ELP2: variants seen among roughly 807,000 people sequenced by gnomAD.
ELP2 encodes elongator acetyltransferase complex subunit 2.
A neutral mutation model predicts 119.2 loss-of-function variants in ELP2; 90 were observed. That is an observed-to-expected ratio of 0.75 (90% CI 0.64 to 0.90). The LOEUF (loss-of-function observed/expected upper bound fraction) is 0.90. ELP2 is among the 40% of genes least tolerant of loss of function. ELP2 has a pLI of 0.00. For missense variants in ELP2, 921 were observed against 967.8 expected, an observed-to-expected ratio of 0.95 and a Z score of 0.64; for synonymous variants, 339 against 331.0, an observed-to-expected ratio of 1.02 and a Z score of -0.26.
chr18:36,151,274 G>A (rs2144689528), intron 11 of ELP2, among the ~76,000 whole-genome samples: 1 of 151,762 alleles, frequency 6.6e-6, no homozygotes, highest in African/African-American at 2.4e-5. Flanking sequence ...GTAGAGACGG[G>A]GTTTCACCAT....
intron 12 of ELP2, 66 bp from the exon 13 acceptor site, chr18:36,156,400 C>T (rs1013783154): frequency 5.4e-5 from 77 of 1,433,340 alleles, no homozygotes; most frequent in Non-Finnish European, 7.4e-5. Context: ...TAATTTTCAT[C>T]TAATAATTTG....
chr18:36,145,111 G>T (rs1298499524), intron 9 of ELP2, 77 bp downstream of exon 9: 8 of 1,128,430 alleles, frequency 7.1e-6, no homozygotes, highest in South Asian at 4.9e-5. Flanking sequence ...ATCAAGTGGA[G>T]AATTTTTTTA....
chr18:36,164,230 G>A (rs1229529815), intron 17 of ELP2, among the ~76,000 whole-genome samples: 2 of 151,380 alleles, frequency 1.3e-5, no homozygotes, highest in Non-Finnish European at 2.9e-5. Context: ...ACAGTGAAAA[G>A]GAAAAAAAGA....
rs745817043 is a variant in ELP2 at position 36,141,238 on chromosome 18, C to T, written c.588+37C>T. On this transcript the variant is annotated intron_variant, in intron 6 of 21. Transcript: ENST00000358232. ...TATATTAAGAGGCTGGAATTATATT[C>T]TGCTTAGTTATATCTCAATACAGAC... 2.3e-5 allele frequency: 35 copies of T among 1,503,542 alleles called. 1 individual carries two copies. The South Asian group carries it at 3.9e-4, about 17-fold the overall frequency. The allele number at this position is 1,503,542 out of a possible 1,614,324, so 93.1% of individuals were successfully genotyped here. A position where few individuals can be genotyped will look rare whatever the true frequency, so the allele number is the denominator to read the frequency against.
At chr18:36,133,605 ACTTGT>A in intron 2 of ELP2, among the ~76,000 whole-genome samples, 1 of 152,166 alleles carries the variant, frequency 6.6e-6, no homozygotes, top group Admixed American at 6.5e-5. Flanking sequence ...TATTAAAAGA[ACTTGT>A]AAGCAGGGCC....
At chr18:36,148,287 G>T (rs984130082) in intron 11 of ELP2, among the ~76,000 whole-genome samples, 1 of 151,986 alleles carries the variant, frequency 6.6e-6, no homozygotes, top group Non-Finnish European at 1.5e-5. Context: ...TAGAGACGGG[G>T]CTTCATGGTT....
chr18:36,130,190 G>A, intron 1 of ELP2, 119 bp downstream of exon 1: 1 of 1,395,300 alleles, frequency 7.2e-7, no homozygotes, highest in South Asian at 1.2e-5. Context: ...TCGGCTCAGG[G>A]GAGCGGGGTT....
chr18:36,156,816 A>G (rs1785922), intron 13 of ELP2, among the ~76,000 whole-genome samples, 162 bp downstream of exon 13: 151,077 of 152,362 alleles, frequency 0.99, 74,918 homozygotes, highest in East Asian at 1. Flanking sequence ...GGGGTGTAAT[A>G]ATTTAAATAC....
rs182946343 is a variant in ELP2, at chr18:36,176,846, C to G, written c.*2205C>G. 1.5e-4 allele frequency: 23 copies of G among 152,102 alleles called. No homozygotes were observed. The highest frequency in any genetic ancestry group is 5.6e-4 in the African/African-American group (23 of 41,414). 9.4% of individuals were successfully genotyped at this position (152,102 alleles called of 1,614,324 possible). ...GAGCAGGATGGCAAAAGTGGCAGTC[C>G]GTGACGCAGCCCTTGTTACCCCAGG... On this transcript the variant is annotated 3_prime_UTR_variant, in exon 22 of 22. Transcript: ENST00000358232.
In ELP2 at chr18:36,158,911, C is replaced by T. The variant is rs2090648475; in HGVS notation, c.1534+7C>T. On this transcript the variant is annotated splice_region_variant and intron_variant, in intron 14 of 21. Transcript: ENST00000358232. ...AATAAAGCTGTCTTTCAGGGTAAGG[C>T]TTTTGTCTTCAAAATTATTAAACCC... The T allele has an allele frequency of 1.2e-6, 2 of 1,600,446 alleles. No homozygotes were observed. Among genetic ancestry groups the T allele is most frequent in the Non-Finnish European group, 1.7e-6 (2 of 1,167,778 alleles).
intron 3 of ELP2, chr18:36,136,594 T>A (rs186192818): frequency 1.2e-4 from 64 of 549,230 alleles, no homozygotes; most frequent in Non-Finnish European, 1.8e-4. Context: ...TCTTACTTTG[T>A]TGCCCAGGCT....
chr18:36,166,330 T>TG (rs2090901410), intron 18 of ELP2, among the ~76,000 whole-genome samples: 1 of 118,520 alleles, frequency 8.4e-6, no homozygotes, highest in Non-Finnish European at 1.7e-5. Context: ...TTTTTTTTTT[T>TG]TTTTTTTTTT....
intron 12 of ELP2, among the ~76,000 whole-genome samples, 170 bp downstream of exon 12, chr18:36,155,169 C>T (rs1192255057): frequency 6.6e-6 from 1 of 151,652 alleles, no homozygotes; most frequent in Non-Finnish European, 1.5e-5. Context: ...CCCACCACCA[C>T]ACCCATCTTC....
Position 36,145,995 on chromosome 18 carries a change from A to G in ELP2, c.940A>G (p.Lys314Glu), listed in dbSNP as rs2090187287. Residue 314 changes from lysine (K) to glutamate (E), a missense_variant, in exon 10 of 22, where the codon AAA becomes GAA. Physicochemically the swap from Lys to Glu is moderately conservative, Grantham distance 56 (BLOSUM62 1). Coordinates refer to ENST00000358232, the MANE Select transcript of ELP2 (RefSeq NM_018255.4). ...PVRLLSASMD[K>E]TMILWAPDEE... Reference sequence around the variant, plus strand: ...GAGATTATTATCTGCTTCCATGGATAAAACCATGATTCTCTGGGCTCCAGA... The same window carrying G: ...GAGATTATTATCTGCTTCCATGGATGAAACCATGATTCTCTGGGCTCCAGA... 14 of 1,614,034 alleles carry G rather than the reference A, an allele frequency of 8.7e-6. No homozygotes were observed. The highest frequency in any genetic ancestry group is 1.1e-5 in the Non-Finnish European group (13 of 1,179,890).
In ELP2 at chr18:36,176,570, C is replaced by G. The variant is rs1383658582; in HGVS notation, c.*1929C>G. ...GTTGTCAGTTTTCCCAAATTGTCCT[C>G]AAGCATCTTCCTCTGGAATCACCTT... On this transcript the variant is annotated 3_prime_UTR_variant, in exon 22 of 22. Transcript: ENST00000358232. 1 of 152,216 alleles carries G rather than the reference C, an allele frequency of 6.6e-6. No homozygotes were observed. Among genetic ancestry groups the G allele is most frequent in the African/African-American group, 2.4e-5 (1 of 41,440 alleles). The allele number at this position is 152,216 out of a possible 1,614,324, so 9.4% of individuals were successfully genotyped here. A position where few individuals can be genotyped will look rare whatever the true frequency, so the allele number is the denominator to read the frequency against.
At chr18:36,133,127 T>C in intron 1 of ELP2, 111 bp from the exon 2 acceptor site, 1 of 769,812 alleles carries the variant, frequency 1.3e-6, no homozygotes, top group South Asian at 1.5e-5. Context: ...CTGTTTGATG[T>C]AAACCTGATC....
chr18:36,168,468 A>G (rs1281474583), intron 19 of ELP2, among the ~76,000 whole-genome samples: 3 of 152,194 alleles, frequency 2.0e-5, no homozygotes, highest in African/African-American at 7.2e-5. Flanking sequence ...GGCCTCAGGA[A>G]ACTCAGTCAT....
At chr18:36,161,150 A>T in intron 17 of ELP2, 146 bp downstream of exon 17, 1 of 689,044 alleles carries the variant, frequency 1.5e-6, no homozygotes, top group Non-Finnish European at 2.7e-6. Flanking sequence ...AATTTCTCTT[A>T]CCCTTCTGTC....
intron 18 of ELP2, chr18:36,166,893 G>A: frequency 2.6e-6 from 1 of 381,948 alleles, no homozygotes; most frequent in Non-Finnish European, 4.6e-6. Context: ...TGACCAGTCA[G>A]TACAAAAGCA....
Sources: allele counts gnomAD v4.1 joint callset (sites outside exome capture counted in the v4.1 genomes callset), GRCh38; gene constraint gnomAD v4.1.1; transcripts MANE v1.5; gene names NCBI Gene and HGNC (gene_info 2026-07-23, HGNC 2026-07-21).